Variants in CNTNAP5 observed in about 807,000 individuals in gnomAD.
CNTNAP5 encodes the protein contactin-associated protein-like 5.
Under a neutral mutation model 150.2 loss-of-function variants are expected in CNTNAP5, and 72 were observed. The ratio of observed to expected loss-of-function variants is 0.48; its 90% CI spans 0.40 to 0.58. The LOEUF is 0.58. CNTNAP5 is among the 20% of genes least tolerant of loss of function. The pLI is 0.00. For missense variants in CNTNAP5, 1,636 were observed against 1,626.2 expected (o/e 1.01, Z -0.10); for synonymous variants, 672 against 619.8 (o/e 1.08, Z -1.25).
At chr2:124,162,878 C>A (rs541952940) in intron 1 of CNTNAP5, among the ~76,000 whole-genome samples, 1 of 152,106 alleles carries the variant, frequency 6.6e-6, no homozygotes, top group African/African-American at 2.4e-5. Context: ...CTCCTCTCTG[C>A]ACCTCCTCAT....
chr2:124,831,392 A>G (rs1448630437), intron 19 of CNTNAP5, among the ~76,000 whole-genome samples: 5 of 151,866 alleles, frequency 3.3e-5, no homozygotes, highest in Non-Finnish European at 7.4e-5. Flanking sequence ...TACATTCTTC[A>G]TATCTTTCTT....
rs114641315 is a variant in CNTNAP5, at chr2:124,226,235, A to G, written c.187+4426A>G. Among the ~76,000 whole-genome samples the G allele has an allele frequency of 6.1e-3, 923 of 152,062 alleles. 13 individuals carry two copies. The highest frequency in any genetic ancestry group is 0.021 in the African/African-American group (885 of 41,486). On this transcript the variant is annotated intron_variant, in intron 2 of 23. Transcript: ENST00000682447. ...ATTTACATTCCCAACAACAGTGTAA[A>G]AGAGTTCTGTTTTCTCCACCTCCTC...
At chr2:124,835,322 T>A (rs767431022) in intron 19 of CNTNAP5, among the ~76,000 whole-genome samples, 22 of 152,182 alleles carry the variant, frequency 1.4e-4, no homozygotes, top group Admixed American at 5.2e-4. Flanking sequence ...TGCTCAGTCC[T>A]TTGGGTCTCA....
At chr2:124,114,174 A>G (rs1039217641) in intron 1 of CNTNAP5, among the ~76,000 whole-genome samples, 8 of 152,074 alleles carry the variant, frequency 5.3e-5, no homozygotes, top group Non-Finnish European at 8.8e-5. Flanking sequence ...ATCAATTGGC[A>G]TTGCATTGAA....
intron 11 of CNTNAP5, among the ~76,000 whole-genome samples, chr2:124,563,823 G>C (rs1399485907): frequency 6.6e-6 from 1 of 152,212 alleles, no homozygotes; most frequent in Non-Finnish European, 1.5e-5. Flanking sequence ...GCTGTAGTAA[G>C]AGGAAACACA....
At position 124,917,909 on chromosome 2, in the gene CNTNAP5, A is replaced by G. The variant is rs1678802807; in HGVS notation, c.*3621A>G. Among the ~76,000 whole-genome samples, 1 of 152,108 alleles carries G rather than the reference A, an allele frequency of 6.6e-6. No individual in the cohort carries two copies. Among genetic ancestry groups the G allele is most frequent in the South Asian group, 2.1e-4 (1 of 4,826 alleles). ...GCATCTGCCAGACTGAAAGAAATGT[A>G]AATTTCTGGGAAATATCTGTTATTT... On this transcript the variant is annotated 3_prime_UTR_variant, in exon 24 of 24. Transcript: ENST00000682447.
intron 4 of CNTNAP5, among the ~76,000 whole-genome samples, chr2:124,426,844 G>A (rs567914520): frequency 4.6e-5 from 7 of 152,254 alleles, no homozygotes; most frequent in East Asian, 1.9e-4. Context: ...GTGGGAAGTC[G>A]GCCAGTGCTG....
Position 124,860,492 on chromosome 2 carries a change from CTTCCTTCCTTCT to C in CNTNAP5, c.3218-4802_3218-4791del, listed in dbSNP as rs1301979709. Among the ~76,000 whole-genome samples, 551 of 67,212 alleles carry C rather than the reference CTTCCTTCCTTCT, an allele frequency of 8.2e-3. 23 individuals carry two copies. Among genetic ancestry groups the C allele is most frequent in the Admixed American group, 0.015 (85 of 5,730 alleles). 44.1% of individuals were successfully genotyped at this position (67,212 alleles called of 152,430 possible). On this transcript the variant is annotated intron_variant, in intron 19 of 23. Coordinates refer to ENST00000682447, the MANE Select transcript of CNTNAP5 (RefSeq NM_001367498.1). Reference sequence around the variant, plus strand: ...CCTTCCTTCCTTCCTTCCTTCCTTCCTTCCTTCCTTCTTTCCTTCCTTCCTTCCTTCCTTCCT... The same window carrying C: ...CCTTCCTTCCTTCCTTCCTTCCTTCCTTCCTTCCTTCCTTCCTTCCTTCCT...
At chr2:124,120,116 T>TTGCAAACATTAGGCA (rs1158047824) in intron 1 of CNTNAP5, among the ~76,000 whole-genome samples, 1 of 152,168 alleles carries the variant, frequency 6.6e-6, no homozygotes, top group Non-Finnish European at 1.5e-5. Flanking sequence ...CCAGCCATTG[T>TTGCAAACATTAGGCA]GGTTGTCAGA....
intron 3 of CNTNAP5, among the ~76,000 whole-genome samples, chr2:124,301,744 C>T (rs775576291): frequency 3.3e-4 from 50 of 152,258 alleles, no homozygotes; most frequent in Non-Finnish European, 6.6e-4. Context: ...GCCATTTTGC[C>T]TCTGATCTCT....
intron 3 of CNTNAP5, among the ~76,000 whole-genome samples, chr2:124,335,067 C>A (rs137914272): frequency 3.3e-5 from 5 of 151,998 alleles, no homozygotes; most frequent in Admixed American, 2.6e-4. Flanking sequence ...CAGACTAAGA[C>A]GGCAAAAAGA....
At chr2:124,058,821 A>G (rs1052777724) in intron 1 of CNTNAP5, among the ~76,000 whole-genome samples, 1 of 152,198 alleles carries the variant, frequency 6.6e-6, no homozygotes, top group Non-Finnish European at 1.5e-5. Flanking sequence ...CAGTCCTTGC[A>G]TGGGAGGTTT....
At chr2:124,563,535 C>T (rs958423923) in intron 11 of CNTNAP5, among the ~76,000 whole-genome samples, 1 of 152,120 alleles carries the variant, frequency 6.6e-6, no homozygotes, top group African/African-American at 2.4e-5. Flanking sequence ...GGTCTACCAG[C>T]AAGACAGGCA....
chr2:124,267,961 G>A (rs1461094940), intron 3 of CNTNAP5, among the ~76,000 whole-genome samples: 1 of 152,198 alleles, frequency 6.6e-6, no homozygotes, highest in Non-Finnish European at 1.5e-5. Flanking sequence ...TATGCAGAGG[G>A]AGGGGTGCAG....
intron 17 of CNTNAP5, among the ~76,000 whole-genome samples, chr2:124,777,697 TC>T (rs1354731736): frequency 6.6e-6 from 1 of 152,070 alleles, no homozygotes; most frequent in Non-Finnish European, 1.5e-5. Flanking sequence ...TACAACTTCT[TC>T]TGCTTTAATT....
chr2:124,046,775 T>A (rs1196929591), intron 1 of CNTNAP5, among the ~76,000 whole-genome samples: 1 of 152,136 alleles, frequency 6.6e-6, no homozygotes, highest in African/African-American at 2.4e-5. Context: ...AAAAAATGGT[T>A]TCATAATGAC....
At chr2:124,260,840 T>A (rs967385010) in intron 3 of CNTNAP5, among the ~76,000 whole-genome samples, 1 of 152,156 alleles carries the variant, frequency 6.6e-6, no homozygotes, top group Non-Finnish European at 1.5e-5. Context: ...TCCCCACAGC[T>A]CTGACTCTAG....
chr2:124,399,730 T>C (rs918507280), intron 3 of CNTNAP5, among the ~76,000 whole-genome samples: 4 of 152,200 alleles, frequency 2.6e-5, no homozygotes, highest in Non-Finnish European at 5.9e-5. Context: ...TGGAATGGCA[T>C]CAGGGATGAA....
chr2:124,843,827 G>A (rs542878685), intron 19 of CNTNAP5, among the ~76,000 whole-genome samples: 2 of 151,910 alleles, frequency 1.3e-5, no homozygotes, highest in African/African-American at 2.4e-5. Context: ...GCCTAATCAT[G>A]TCCTTAGCCC....
Sources: gnomAD v4.1 joint callset for allele counts (sites outside exome capture counted in the v4.1 genomes callset) on GRCh38, gnomAD v4.1.1 for gene constraint, MANE v1.5 for transcripts, NCBI Gene and HGNC (gene_info 2026-07-23, HGNC 2026-07-21) for gene names.